Variants in ENOX1 observed in about 807,000 individuals in gnomAD.
ENOX1 encodes the protein candidate growth-related and time keeping constitutive hydroquinone (NADH) oxidase.
A neutral mutation model predicts 82.5 loss-of-function variants in ENOX1; 42 were observed. The observed-to-expected ratio is 0.51, with a 90% CI of 0.40 to 0.66. ENOX1 has a LOEUF of 0.66. ENOX1 is among the 30% of genes least tolerant of loss of function. The pLI is 0.00. For missense variants in ENOX1, 608 were observed against 811.6 expected (o/e 0.75, Z 3.05); for synonymous variants, 271 against 282.2 (o/e 0.96, Z 0.40).
At position 43,464,501 on chromosome 13, in the gene ENOX1, T is replaced by C. The variant is rs866511607; in HGVS notation, c.-75+19508A>G. Among the ~76,000 whole-genome samples, 6 of 152,278 alleles carry C rather than the reference T, an allele frequency of 3.9e-5. No individual in the cohort carries two copies. The South Asian group carries it at 6.2e-4, about 16-fold the overall frequency. On this transcript the variant is annotated intron_variant, in intron 3 of 16. Coordinates refer to ENST00000690772, the MANE Select transcript of ENOX1 (RefSeq NM_001347969.2). ...GGCTGAGCAGTCAGGACTCAGGCCC[T>C]GTACCTCTACTCATACCACAAGAGC...
chr13:43,492,866 C>T (rs1045761320), intron 2 of ENOX1, among the ~76,000 whole-genome samples: 1 of 152,196 alleles, frequency 6.6e-6, no homozygotes, highest in African/African-American at 2.4e-5. Flanking sequence ...CTAGATGTTA[C>T]TGTGAAGATG....
Position 43,265,412 on chromosome 13 carries a change from G to A in ENOX1, c.1597C>T (p.His533Tyr). The A allele has an allele frequency of 6.2e-7, 1 of 1,611,996 alleles. No homozygotes were observed. Among genetic ancestry groups the A allele is most frequent in the Non-Finnish European group, 8.5e-7 (1 of 1,178,932 alleles). Residue 533 changes from histidine (H) to tyrosine (Y), a missense_variant, in exon 14 of 17, where the codon CAT becomes TAT. Transcript: ENST00000690772. ...KELVETNGHS[H>Y]EDSNEINVLT... ...GTGGTACCTACATTTGAATCCTCATGGCTGTGGCCATTGGTCTCGACCAAT... is the reference window on the plus strand; with the variant it reads ...GTGGTACCTACATTTGAATCCTCATAGCTGTGGCCATTGGTCTCGACCAAT...
At chr13:43,772,817 A>C (rs1187608867) in intron 1 of ENOX1, among the ~76,000 whole-genome samples, 1 of 151,522 alleles carries the variant, frequency 6.6e-6, no homozygotes, top group African/African-American at 2.4e-5. Context: ...CTCAAACTTC[A>C]GTTCCAACAA....
At chr13:43,271,233 A>G (rs2044660840) in intron 12 of ENOX1, among the ~76,000 whole-genome samples, 1 of 152,214 alleles carries the variant, frequency 6.6e-6, no homozygotes, top group Non-Finnish European at 1.5e-5. Context: ...ACTGATGTCC[A>G]GAAGAAGGGA....
At chr13:43,521,726 G>T (rs896787036) in intron 2 of ENOX1, among the ~76,000 whole-genome samples, 2 of 152,110 alleles carry the variant, frequency 1.3e-5, no homozygotes, top group Non-Finnish European at 2.9e-5. Flanking sequence ...TTCTAATAAT[G>T]ATTTATTTGT....
At chr13:43,303,150 T>C (rs1410877075) in intron 11 of ENOX1, among the ~76,000 whole-genome samples, 3 of 152,204 alleles carry the variant, frequency 2.0e-5, no homozygotes, top group African/African-American at 2.4e-5. Flanking sequence ...AAGAATTTCA[T>C]TGGCTGCTAC....
At chr13:43,227,016 G>A (rs1309723786) in intron 15 of ENOX1, among the ~76,000 whole-genome samples, 1 of 151,402 alleles carries the variant, frequency 6.6e-6, no homozygotes. Flanking sequence ...CCTGGCCAGA[G>A]AGCCTTCAAC....
At chr13:43,269,938 T>A (rs2044592605) in intron 12 of ENOX1, among the ~76,000 whole-genome samples, 1 of 152,232 alleles carries the variant, frequency 6.6e-6, no homozygotes, top group African/African-American at 2.4e-5. Flanking sequence ...TCATTTCACA[T>A]ATTACAGTAA....
At chr13:43,342,587 G>A (rs920895928) in intron 9 of ENOX1, among the ~76,000 whole-genome samples, 1 of 152,090 alleles carries the variant, frequency 6.6e-6, no homozygotes, top group Admixed American at 6.5e-5. Flanking sequence ...AGGGAGTGAT[G>A]AGCCAGCCTG....
chr13:43,462,049 A>G (rs1433117029), intron 3 of ENOX1, among the ~76,000 whole-genome samples: 2 of 152,104 alleles, frequency 1.3e-5, no homozygotes, highest in Non-Finnish European at 2.9e-5. Context: ...CACTCAAGAG[A>G]CCTGATCACA....
chr13:43,252,780 C>T (rs1054026505), intron 14 of ENOX1, among the ~76,000 whole-genome samples: 4 of 152,068 alleles, frequency 2.6e-5, no homozygotes, highest in Admixed American at 6.5e-5. Context: ...GTCAGGTCCC[C>T]CTGGGCATGG....
chr13:43,778,057 G>T (rs1952026984), intron 1 of ENOX1, among the ~76,000 whole-genome samples: 2 of 152,014 alleles, frequency 1.3e-5, no homozygotes, highest in Admixed American at 1.3e-4. Context: ...CTTATAATTT[G>T]GTCTTTTCTT....
At chr13:43,612,899 T>A (rs2082257604) in intron 2 of ENOX1, among the ~76,000 whole-genome samples, 1 of 152,134 alleles carries the variant, frequency 6.6e-6, no homozygotes, top group Non-Finnish European at 1.5e-5. Flanking sequence ...GATACACAGT[T>A]GCAAATAAAT....
At chr13:43,470,216 A>ATG (rs1555289631) in intron 3 of ENOX1, among the ~76,000 whole-genome samples, 31 of 95,428 alleles carry the variant, frequency 3.2e-4, no homozygotes, top group African/African-American at 8.3e-4. Context: ...GTATATATAT[A>ATG]TGTGTGTGTA....
chr13:43,664,781 C>T lies in ENOX1; in HGVS notation c.-219+2698G>A, dbSNP rs555120330. On this transcript the variant is annotated intron_variant, in intron 2 of 16. Coordinates refer to ENST00000690772, the MANE Select transcript of ENOX1 (RefSeq NM_001347969.2). ...CATCTATATTTGGTATTTGGTGGAA[C>T]TCTGCCTGCATGCATCACACATGCC... Among the ~76,000 whole-genome samples, 848 of 152,288 alleles carry T rather than the reference C, an allele frequency of 5.6e-3. 12 individuals carry two copies. The highest frequency in any genetic ancestry group is 6.2e-3 in the Non-Finnish European group (425 of 68,032).
chr13:43,655,106 C>T (rs2084369725), intron 2 of ENOX1, among the ~76,000 whole-genome samples: 1 of 152,192 alleles, frequency 6.6e-6, no homozygotes, highest in Non-Finnish European at 1.5e-5. Flanking sequence ...AGACCTATGC[C>T]TCCTTCCTTG....
At chr13:43,689,717 A>G (rs1433551940) in intron 1 of ENOX1, among the ~76,000 whole-genome samples, 1 of 152,234 alleles carries the variant, frequency 6.6e-6, no homozygotes, top group African/African-American at 2.4e-5. Flanking sequence ...ATGTGATCTT[A>G]TACACATATG....
chr13:43,643,502 T>C (rs1202513912), intron 2 of ENOX1, among the ~76,000 whole-genome samples: 2 of 152,162 alleles, frequency 1.3e-5, no homozygotes, highest in Non-Finnish European at 2.9e-5. Flanking sequence ...TTTAAAAGTT[T>C]AGGCATATGG....
intron 2 of ENOX1, among the ~76,000 whole-genome samples, chr13:43,504,046 C>T (rs1354117621): frequency 6.6e-6 from 1 of 151,692 alleles, no homozygotes; most frequent in Admixed American, 6.6e-5. Context: ...ACTGAGTAGA[C>T]ATTTCTCTGA....
Sources: allele counts gnomAD v4.1 joint callset (sites outside exome capture counted in the v4.1 genomes callset), GRCh38; gene constraint gnomAD v4.1.1; transcripts MANE v1.5; gene names NCBI Gene and HGNC (gene_info 2026-07-23, HGNC 2026-07-21).